HAUS7: variants seen among roughly 807,000 people sequenced by gnomAD.
The protein encoded by HAUS7 is HAUS augmin like complex subunit 7, also known as HAUS augmin-like complex subunit 7.
A neutral mutation model predicts 28.4 loss-of-function variants in HAUS7; 3 were observed. The ratio of observed to expected loss-of-function variants is 0.11; its 90% confidence interval spans 0.05 to 0.27. The LOEUF is 0.27. Among genes scored for constraint, HAUS7 ranks in the 10% least tolerant of loss-of-function variants. The probability of loss-of-function intolerance (pLI) is 1.00; values close to 1 mark genes in which losing one functional copy is unlikely to be tolerated. For missense variants in HAUS7, 284 were observed against 297.3 expected (o/e 0.96, Z 0.33); for synonymous variants, 165 against 132.1 (o/e 1.25, Z -1.71).
At chrX:153,483,224 C>A in intron 1 of HAUS7, 1 of 626,718 alleles carries the variant, frequency 1.6e-6, no homozygotes, top group Non-Finnish European at 1.9e-6. Context: ...AGAGAATGGG[C>A]ACAGCCAGAG....
chrX:153,455,062 T>C, intron 8 of HAUS7: 2 of 1,004,894 alleles, frequency 2.0e-6, no homozygotes, highest in Non-Finnish European at 2.6e-6. Flanking sequence ...ATCTCACATG[T>C]GGAACAACGA....
At chrX:153,485,897 C>T in intron 1 of HAUS7, 1 of 937,006 alleles carries the variant, frequency 1.1e-6, no homozygotes, top group Non-Finnish European at 1.4e-6. Flanking sequence ...CGCGTTCGCG[C>T]ACATGAAGCC....
intron 1 of HAUS7, among the ~76,000 whole-genome samples, chrX:153,493,329 T>C (rs1272984161): frequency 1.8e-5 from 2 of 111,948 alleles, no homozygotes; most frequent in African/African-American, 6.5e-5. Context: ...TGCTTCTCTC[T>C]CCACCCAGAC....
intron 1 of HAUS7, among the ~76,000 whole-genome samples, chrX:153,494,733 C>CGG (rs1556990287): frequency 4.7e-4 from 1 of 2,108 alleles, no homozygotes; most frequent in African/African-American, 1.5e-3. Context: ...CTGCCCCAGG[C>CGG]GGGGGAGGGG....
chrX:153,467,095 G>A (rs1385224626), intron 2 of HAUS7, among the ~76,000 whole-genome samples: 2 of 110,560 alleles, frequency 1.8e-5, no homozygotes, highest in East Asian at 2.8e-4. Context: ...GCAAATCTGC[G>A]CCCCCTCCCA....
At chrX:153,485,416 A>G (rs781842349) in intron 1 of HAUS7, among the ~76,000 whole-genome samples, 1 of 111,467 alleles carries the variant, frequency 9.0e-6, no homozygotes, top group Non-Finnish European at 1.9e-5. Flanking sequence ...GGATTAGGAG[A>G]CAGGAGACCC....
At chrX:153,481,709 G>A (rs1252318090) in intron 1 of HAUS7, 4 of 741,972 alleles carry the variant, frequency 5.4e-6, no homozygotes. Context: ...CTGAGACCTG[G>A]GCTCCCACCC....
chrX:153,452,571 T>C (rs1327727010), intron 9 of HAUS7, among the ~76,000 whole-genome samples: 1 of 112,771 alleles, frequency 8.9e-6, no homozygotes, highest in Non-Finnish European at 1.9e-5. Flanking sequence ...AAATACATTT[T>C]GCTTTAATAG....
chrX:153,458,647 T>C (rs781851838), intron 4 of HAUS7, among the ~76,000 whole-genome samples: 2 of 112,215 alleles, frequency 1.8e-5, no homozygotes, highest in Admixed American at 1.9e-4. Flanking sequence ...GGTAACTGTG[T>C]TGACATCTTT....
At chrX:153,492,335 G>C (rs1483141301) in intron 1 of HAUS7, among the ~76,000 whole-genome samples, 1 of 112,180 alleles carries the variant, frequency 8.9e-6, no homozygotes, top group African/African-American at 3.2e-5. Context: ...GGGAGCAGAA[G>C]GGGGAGGCCC....
intron 3 of HAUS7, among the ~76,000 whole-genome samples, chrX:153,464,188 A>G (rs2089428437): frequency 8.9e-6 from 1 of 112,728 alleles, no homozygotes; most frequent in South Asian, 3.6e-4. Context: ...AGGAGAGGAA[A>G]CAGGCTGGGA....
intron 2 of HAUS7, among the ~76,000 whole-genome samples, chrX:153,467,343 CCT>C (rs1219297955): frequency 1.8e-5 from 2 of 111,673 alleles, no homozygotes; most frequent in Non-Finnish European, 3.8e-5. Flanking sequence ...CACAGAGCAC[CCT>C]GAGTCACCTT....
chrX:153,462,576 G>A lies in HAUS7; in HGVS notation c.354+34C>T, dbSNP rs372569481. The stretch of plus-strand genomic sequence containing the variant: ...TCCCTGCCCAGGGCAGAAAGCGTGC[G>A]TGCCGTCTGCAGAGCAGACAGAGGC... On this transcript the variant is annotated intron_variant, in intron 4 of 9. Coordinates refer to ENST00000370211, the MANE Select transcript of HAUS7 (RefSeq NM_001385482.1). The A allele has an allele frequency of 2.3e-4, 246 of 1,068,547 alleles. No individual in the cohort carries two copies. The African/African-American group carries it at 3.9e-3, about 17-fold the overall frequency. The allele number at this position is 1,068,547 out of a possible 1,213,427, so 88.1% of individuals were successfully genotyped here.
At chrX:153,468,320 C>G (rs2089478763) in intron 2 of HAUS7, among the ~76,000 whole-genome samples, 1 of 112,153 alleles carries the variant, frequency 8.9e-6, no homozygotes, top group African/African-American at 3.2e-5. Flanking sequence ...GGGGGAGGCC[C>G]GGGCCTGGAC....
intron 1 of HAUS7, among the ~76,000 whole-genome samples, chrX:153,478,734 G>A (rs1377501535): frequency 3.5e-5 from 4 of 113,007 alleles, no homozygotes; most frequent in African/African-American, 1.3e-4. Context: ...TACCCTCGCC[G>A]CCTGCACTGT....
At chrX:153,460,664 C>T (rs2089376767) in intron 4 of HAUS7, among the ~76,000 whole-genome samples, 1 of 111,689 alleles carries the variant, frequency 9.0e-6, no homozygotes, top group African/African-American at 3.3e-5. Flanking sequence ...TGCCACAATG[C>T]CAATGTGGAA....
At chrX:153,450,519 C>T (rs1165426440) in intron 9 of HAUS7, among the ~76,000 whole-genome samples, 3 of 112,416 alleles carry the variant, frequency 2.7e-5, no homozygotes, top group African/African-American at 9.7e-5. Flanking sequence ...TCACCACTGC[C>T]GGGGTTGGTG....
chrX:153,481,001 C>T, intron 1 of HAUS7: 1 of 754,950 alleles, frequency 1.3e-6, no homozygotes, highest in Non-Finnish European at 1.6e-6. Flanking sequence ...GGAGGCCCCC[C>T]AAAGGTGAGA....
In HAUS7 at chrX:153,469,109, C is replaced by A. The variant is rs978344756; in HGVS notation, c.224+37G>T. 4.8e-6 allele frequency: 4 copies of A among 832,854 alleles called. No individual in the cohort carries two copies. The African/African-American group carries it at 8.0e-5, about 17-fold the overall frequency. 68.6% of individuals were successfully genotyped at this position (832,854 alleles called of 1,213,427 possible). A position where few individuals can be genotyped will look rare whatever the true frequency, so the allele number is the denominator to read the frequency against. ...GGTGGGGCTGGCTGGCGCCCATGCA[C>A]ACCCCAGGTGGGAAGAGGAAGAAAC... On this transcript the variant is annotated intron_variant, in intron 2 of 9. Transcript: ENST00000370211.
Sources: allele counts gnomAD v4.1 joint callset (sites outside exome capture counted in the v4.1 genomes callset), GRCh38; gene constraint gnomAD v4.1.1; transcripts MANE v1.5; gene names NCBI Gene and HGNC (gene_info 2026-07-23, HGNC 2026-07-21).